Variants in KATNAL1 observed in about 807,000 individuals in gnomAD.
The protein encoded by KATNAL1 is katanin catalytic subunit A1 like 1.
In KATNAL1, 32 loss-of-function variants were observed where a neutral mutation model predicts 55.2. That is an observed-to-expected ratio of 0.58 (90% CI 0.44 to 0.78). KATNAL1 has a LOEUF of 0.78. Among genes scored for constraint, KATNAL1 ranks in the 30% least tolerant of loss-of-function variants. The pLI is 0.00. For synonymous variants in KATNAL1, 193 were observed against 193.6 expected, an observed-to-expected ratio of 1.00 and a Z score of 0.02; for missense variants, 466 against 600.9, an observed-to-expected ratio of 0.78 and a Z score of 2.35.
intron 9 of KATNAL1, among the ~76,000 whole-genome samples, chr13:30,222,862 G>T (rs980889384): frequency 1.3e-5 from 2 of 152,132 alleles, no homozygotes; most frequent in Middle Eastern, 3.2e-3. Context: ...GGAGGCCAAG[G>T]TGGGTGAATC....
intron 1 of KATNAL1, among the ~76,000 whole-genome samples, chr13:30,289,771 A>ACC (rs1382233797): frequency 6.6e-6 from 1 of 152,220 alleles, no homozygotes; most frequent in Non-Finnish European, 1.5e-5. Context: ...ATGTCACAGC[A>ACC]CAGTGATATG....
At chr13:30,222,413 G>T (rs1027699610) in intron 9 of KATNAL1, among the ~76,000 whole-genome samples, 1 of 152,042 alleles carries the variant, frequency 6.6e-6, no homozygotes, top group East Asian at 1.9e-4. Context: ...CCCCATAATC[G>T]TGTGAGCCAA....
At chr13:30,250,722 T>G (rs974971125) in intron 4 of KATNAL1, among the ~76,000 whole-genome samples, 6 of 152,224 alleles carry the variant, frequency 3.9e-5, no homozygotes, top group African/African-American at 1.4e-4. Flanking sequence ...TTAAAATGAA[T>G]TCAGAGAATA....
chr13:30,216,593 C>T (rs1874263296), intron 9 of KATNAL1, among the ~76,000 whole-genome samples: 1 of 152,212 alleles, frequency 6.6e-6, no homozygotes, highest in Non-Finnish European at 1.5e-5. Flanking sequence ...AGCCCCCATC[C>T]TTGATCCCAG....
intron 1 of KATNAL1, among the ~76,000 whole-genome samples, chr13:30,301,186 G>GCCA (rs1882829708): frequency 6.6e-6 from 1 of 152,108 alleles, no homozygotes; most frequent in Non-Finnish European, 1.5e-5. Context: ...TGGCCAACAT[G>GCCA]GCAAAACCCC....
intron 1 of KATNAL1, among the ~76,000 whole-genome samples, chr13:30,297,925 C>A (rs140903748): frequency 2.2e-3 from 335 of 152,320 alleles, no homozygotes; most frequent in African/African-American, 7.6e-3. Flanking sequence ...CACTCACTCT[C>A]TGGGTGACGG....
chr13:30,212,849 C>T (rs1469712695), intron 9 of KATNAL1, among the ~76,000 whole-genome samples: 1 of 152,132 alleles, frequency 6.6e-6, no homozygotes, highest in Non-Finnish European at 1.5e-5. Context: ...CAACTCCTAA[C>T]CCCCAGTACT....
At chr13:30,255,957 T>C (rs1238890820) in intron 3 of KATNAL1, among the ~76,000 whole-genome samples, 1 of 152,212 alleles carries the variant, frequency 6.6e-6, no homozygotes, top group East Asian at 1.9e-4. Context: ...TTTTATTCAT[T>C]ACTGTCCTAA....
At chr13:30,282,847 C>G (rs568701669) in intron 2 of KATNAL1, among the ~76,000 whole-genome samples, 1 of 147,118 alleles carries the variant, frequency 6.8e-6, no homozygotes, top group Non-Finnish European at 1.5e-5. Context: ...CCCAGCTACT[C>G]GGGAGGCTGA....
At chr13:30,252,530 T>G (rs1007412046) in intron 4 of KATNAL1, among the ~76,000 whole-genome samples, 2 of 152,182 alleles carry the variant, frequency 1.3e-5, no homozygotes, top group African/African-American at 4.8e-5. Context: ...TTCTGGATCA[T>G]GAGCTGGTGT....
intron 1 of KATNAL1, among the ~76,000 whole-genome samples, chr13:30,286,662 C>T (rs1448067677): frequency 6.6e-6 from 1 of 152,206 alleles, no homozygotes; most frequent in African/African-American, 2.4e-5. Flanking sequence ...TAGGGCACTG[C>T]CTAGTGGAGC....
chr13:30,225,508 ATAG>A, intron 9 of KATNAL1, among the ~76,000 whole-genome samples: 1 of 152,368 alleles, frequency 6.6e-6, no homozygotes, highest in South Asian at 2.1e-4. Context: ...ATGGAACAGA[ATAG>A]TATTCAGAAA....
chr13:30,272,306 G>T (rs1880442110), intron 3 of KATNAL1, among the ~76,000 whole-genome samples: 2 of 152,180 alleles, frequency 1.3e-5, no homozygotes, highest in South Asian at 4.1e-4. Context: ...GCTGAGGCAG[G>T]AGAATTGCTT....
chr13:30,267,161 T>C (rs1290841796), intron 3 of KATNAL1, among the ~76,000 whole-genome samples: 2 of 152,136 alleles, frequency 1.3e-5, no homozygotes, highest in East Asian at 3.8e-4. Context: ...GGTCGTTGCC[T>C]TTACCATTAA....
At position 30,269,519 on chromosome 13, in the gene KATNAL1, T is replaced by C. The variant is rs538723373; in HGVS notation, c.323+10544A>G. 2.3e-3 allele frequency among the ~76,000 whole-genome samples: 347 copies of C among 148,908 alleles called. 1 individual carries two copies. The highest frequency in any genetic ancestry group is 7.5e-3 in the African/African-American group (302 of 40,250). ...CCGTCTAGGAAGTGAGGAGCGTCTC[T>C]GCCTGGCTGCCCATCGTCTGGGACG... On this transcript the variant is annotated intron_variant, in intron 3 of 10. Coordinates refer to ENST00000380615, the MANE Select transcript of KATNAL1 (RefSeq NM_032116.5).
chr13:30,280,204 T>C lies in KATNAL1; in HGVS notation c.182A>G (p.Glu61Gly). 6.3e-7 allele frequency: 1 copy of C among 1,589,878 alleles called. No homozygotes were observed. Residue 61 changes from glutamate to glycine, a missense_variant, in exon 3 of 11, where the codon GAG becomes GGG. Transcript: ENST00000380615. ...AATACTTTTAACTTGTTCATATTCC[T>C]CCAATAATTCCTGCCGAACCTTAAA... ...KWQQVRQELL[E>G]EYEQVKSIVS...
intron 5 of KATNAL1, 55 bp downstream of exon 5, chr13:30,240,904 A>C: frequency 6.6e-7 from 1 of 1,516,134 alleles, no homozygotes; most frequent in South Asian, 1.2e-5. Flanking sequence ...ACACCAAGAC[A>C]ACCTATAATT....
chr13:30,244,424 C>CCTTT (rs1446225157), intron 4 of KATNAL1, among the ~76,000 whole-genome samples: 2 of 152,084 alleles, frequency 1.3e-5, no homozygotes, highest in Non-Finnish European at 2.9e-5. Flanking sequence ...GATTTATAAT[C>CCTTT]CTTTGGGTAT....
rs1566089938 is a variant in KATNAL1 at position 30,223,242 on chromosome 13, A to G, written c.1147+4170T>C. The stretch of plus-strand genomic sequence containing the variant: ...ATCACAAGGTCAGGAGATCGAGACC[A>G]TCCTGGCTAACACGGTGAAACTCCG... On this transcript the variant is annotated intron_variant, in intron 9 of 10. Coordinates refer to ENST00000380615, the MANE Select transcript of KATNAL1 (RefSeq NM_032116.5). Among the ~76,000 whole-genome samples, 5 of 152,114 alleles carry G rather than the reference A, an allele frequency of 3.3e-5. No homozygotes were observed. In the South Asian group the frequency reaches 6.2e-4, roughly 19 times the overall value.
Sources: allele counts gnomAD v4.1 joint callset (sites outside exome capture counted in the v4.1 genomes callset), GRCh38; gene constraint gnomAD v4.1.1; transcripts MANE v1.5; gene names NCBI Gene and HGNC (gene_info 2026-07-23, HGNC 2026-07-21).